PDSS2: variants seen among roughly 807,000 people sequenced by gnomAD.
The protein encoded by PDSS2 is decaprenyl diphosphate synthase subunit 2, also known as all trans-polyprenyl-diphosphate synthase PDSS2.
Under a neutral mutation model 44.5 loss-of-function variants are expected in PDSS2, and 31 were observed. The observed-to-expected ratio is 0.70, with a 90% confidence interval of 0.52 to 0.94. The LOEUF (loss-of-function observed/expected upper bound fraction) is 0.94. PDSS2 is among the 40% of genes least tolerant of loss of function. The probability of loss-of-function intolerance (pLI) is 0.00; values close to 1 mark genes in which losing one functional copy is unlikely to be tolerated. For synonymous variants in PDSS2, 157 were observed against 180.3 expected (o/e 0.87, Z 1.03); for missense variants, 452 against 482.2 (o/e 0.94, Z 0.59).
chr6:107,297,339 A>T (rs928003147), intron 2 of PDSS2, among the ~76,000 whole-genome samples: 6 of 152,102 alleles, frequency 3.9e-5, no homozygotes, highest in Admixed American at 3.9e-4. Flanking sequence ...TACTCCCAGA[A>T]GTATCTGGAA....
chr6:107,310,305 A>G (rs1486583136), intron 2 of PDSS2, among the ~76,000 whole-genome samples: 5 of 125,784 alleles, frequency 4.0e-5, no homozygotes, highest in African/African-American at 5.4e-5. Context: ...AAAAAAAAAA[A>G]GAGAAAGAAA....
intron 1 of PDSS2, among the ~76,000 whole-genome samples, chr6:107,381,849 T>C (rs979069026): frequency 6.6e-6 from 1 of 152,234 alleles, no homozygotes; most frequent in African/African-American, 2.4e-5. Flanking sequence ...AAAGAGCTTA[T>C]TGCAAATTTT....
chr6:107,212,836 C>CAAAAA (rs68101776), intron 4 of PDSS2, among the ~76,000 whole-genome samples: 1 of 127,790 alleles, frequency 7.8e-6, no homozygotes, highest in Non-Finnish European at 1.7e-5. Context: ...CAAGACTCTA[C>CAAAAA]AAAAAAAAAA....
At chr6:107,249,555 G>A (rs772707792) in intron 3 of PDSS2, among the ~76,000 whole-genome samples, 4 of 152,122 alleles carry the variant, frequency 2.6e-5, no homozygotes, top group Admixed American at 6.5e-5. Context: ...TCTGGTGACT[G>A]CGAGAATAGC....
intron 2 of PDSS2, among the ~76,000 whole-genome samples, chr6:107,293,443 C>G (rs1314118679): frequency 6.6e-6 from 1 of 152,186 alleles, no homozygotes; most frequent in East Asian, 1.9e-4. Flanking sequence ...ATCTGTCCCC[C>G]TCCCCACTGG....
Position 107,459,385 on chromosome 6 carries a change from G to T in PDSS2, c.-100C>A. ...GAACTTACAGTAACTAAAAGGAAGC[G>T]GCAATTCTTGACCCTCAGAGTAAGG... On this transcript the variant is annotated 5_prime_UTR_variant, in exon 1 of 8. Coordinates refer to ENST00000369037, the MANE Select transcript of PDSS2 (RefSeq NM_020381.4). This position sits in a 1 kb window ranked among gnomAD's most constrained non-coding sequence, Gnocchi z 4.3. 1.0e-6 allele frequency: 1 copy of T among 966,028 alleles called. No homozygotes were observed. Among genetic ancestry groups the T allele is most frequent in the Non-Finnish European group, 1.6e-6 (1 of 627,710 alleles). 59.8% of individuals were successfully genotyped at this position (966,028 alleles called of 1,614,324 possible).
chr6:107,269,546 T>C (rs2114922874), intron 3 of PDSS2, among the ~76,000 whole-genome samples: 1 of 152,328 alleles, frequency 6.6e-6, no homozygotes, highest in South Asian at 2.1e-4. Context: ...AGTTTTGTTT[T>C]GTTTTCATTA....
intron 3 of PDSS2, among the ~76,000 whole-genome samples, chr6:107,248,606 T>C (rs1481215403): frequency 6.6e-6 from 1 of 152,004 alleles, no homozygotes; most frequent in South Asian, 2.1e-4. Context: ...TTGTGAGATT[T>C]GGGCAAATCA....
intron 1 of PDSS2, among the ~76,000 whole-genome samples, chr6:107,402,511 C>CGTATATATATGTAT (rs374068161): frequency 9.0e-6 from 1 of 110,810 alleles, no homozygotes; most frequent in East Asian, 2.4e-4. Flanking sequence ...CATATATATA[C>CGTATATATATGTAT]ACACACATAT....
chr6:107,254,694 C>T (rs1420278469), intron 3 of PDSS2, among the ~76,000 whole-genome samples: 1 of 152,060 alleles, frequency 6.6e-6, no homozygotes, highest in East Asian at 1.9e-4. Context: ...GTGTTGGGCC[C>T]ATTTTTATTC....
chr6:107,161,429 G>T (rs1771127235), intron 7 of PDSS2, among the ~76,000 whole-genome samples: 1 of 150,018 alleles, frequency 6.7e-6, no homozygotes, highest in Non-Finnish European at 1.5e-5. Flanking sequence ...GCAGTGAGCC[G>T]AGATTGTGCC....
rs1422383555 is a variant in PDSS2, at chr6:107,286,930, C to T, written c.432-12703G>A. ...TGGCACGCGCCTGTAGTCCCAGCTA[C>T]CCGGGAGGCTGAGGCAGGAGGATGG... On this transcript the variant is annotated intron_variant, in intron 2 of 7. Coordinates refer to ENST00000369037, the MANE Select transcript of PDSS2 (RefSeq NM_020381.4). 3.9e-5 allele frequency among the ~76,000 whole-genome samples: 6 copies of T among 152,182 alleles called. No individual in the cohort carries two copies. The South Asian group carries it at 1.0e-3, about 26-fold the overall frequency.
intron 1 of PDSS2, among the ~76,000 whole-genome samples, chr6:107,418,295 CAA>C (rs1432171456): frequency 6.6e-6 from 1 of 152,130 alleles, no homozygotes; most frequent in Non-Finnish European, 1.5e-5. Context: ...GAGGACAGAG[CAA>C]AGAGTGATGA....
intron 3 of PDSS2, among the ~76,000 whole-genome samples, chr6:107,250,911 A>C (rs1774795875): frequency 6.6e-6 from 1 of 151,966 alleles, no homozygotes; most frequent in African/African-American, 2.4e-5. Context: ...GCTGAAGTGC[A>C]GTGGCACAAT....
At chr6:107,304,496 C>T (rs1776794419) in intron 2 of PDSS2, among the ~76,000 whole-genome samples, 1 of 152,178 alleles carries the variant, frequency 6.6e-6, no homozygotes, top group African/African-American at 2.4e-5. Flanking sequence ...GATTCTAGAG[C>T]CAGGTTGCCT....
At chr6:107,184,540 C>T in intron 7 of PDSS2, among the ~76,000 whole-genome samples, 1 of 152,176 alleles carries the variant, frequency 6.6e-6, no homozygotes, top group East Asian at 1.9e-4. Context: ...ATGCAAATGT[C>T]TGTGGACATT....
chr6:107,259,172 A>C (rs1360442604), intron 3 of PDSS2, among the ~76,000 whole-genome samples: 1 of 152,242 alleles, frequency 6.6e-6, no homozygotes, highest in African/African-American at 2.4e-5. Flanking sequence ...GTTATTTCTA[A>C]AATATTTGAT....
intron 2 of PDSS2, among the ~76,000 whole-genome samples, chr6:107,305,127 C>T (rs776457439): frequency 9.2e-5 from 14 of 152,136 alleles, no homozygotes; most frequent in Non-Finnish European, 1.6e-4. Flanking sequence ...TGCCCCAACT[C>T]CCAGACAATG....
At chr6:107,341,487 T>C (rs979561727) in intron 1 of PDSS2, among the ~76,000 whole-genome samples, 1 of 152,140 alleles carries the variant, frequency 6.6e-6, no homozygotes, top group Non-Finnish European at 1.5e-5. Flanking sequence ...AGCATCTTCA[T>C]AGAAGCGATG....
Sources: gnomAD v4.1 joint callset for allele counts (sites outside exome capture counted in the v4.1 genomes callset) on GRCh38, gnomAD v4.1.1 for gene constraint, Gnocchi (gnomAD v3.1) non-coding constraint, MANE v1.5 for transcripts, NCBI Gene and HGNC (gene_info 2026-07-23, HGNC 2026-07-21) for gene names.